ARHGAP6: variants seen among roughly 807,000 people sequenced by gnomAD.
ARHGAP6 encodes the protein Rho GTPase activating protein 6.
ARHGAP6 carries 16 observed loss-of-function variants against 55.7 expected under a neutral mutation model. The ratio of observed to expected loss-of-function variants is 0.29; its 90% CI spans 0.19 to 0.44. The LOEUF is 0.44. Among genes scored for constraint, ARHGAP6 ranks in the 20% least tolerant of loss-of-function variants. The probability of loss-of-function intolerance (pLI) is 1.00; values close to 1 mark genes in which losing one functional copy is unlikely to be tolerated. For synonymous variants in ARHGAP6, 382 were observed against 360.9 expected, an observed-to-expected ratio of 1.06 and a Z score of -0.66; for missense variants, 698 against 808.9, an observed-to-expected ratio of 0.86 and a Z score of 1.66.
At chrX:11,371,694 G>A (rs974475538) in intron 1 of ARHGAP6, among the ~76,000 whole-genome samples, 1 of 112,139 alleles carries the variant, frequency 8.9e-6, no homozygotes, top group Non-Finnish European at 1.9e-5. Flanking sequence ...ATAATGCCTA[G>A]TTTTATATAT....
chrX:11,515,909 C>A (rs747493558), intron 1 of ARHGAP6, among the ~76,000 whole-genome samples: 4 of 112,726 alleles, frequency 3.5e-5, no homozygotes, highest in African/African-American at 1.3e-4. Flanking sequence ...CCCCCATGAA[C>A]CTCTGCATTG....
At chrX:11,330,011 C>T (rs759467366) in intron 1 of ARHGAP6, among the ~76,000 whole-genome samples, 11 of 113,013 alleles carry the variant, frequency 9.7e-5, no homozygotes, top group African/African-American at 3.2e-4. Context: ...ACTGCATATT[C>T]GCAAGTGGAT....
rs759510185 is a variant in ARHGAP6, at chrX:11,350,650, A to G, written c.589-95943T>C. On this transcript the variant is annotated intron_variant, in intron 1 of 12. Transcript: ENST00000337414. The stretch of plus-strand genomic sequence containing the variant: ...CATGTTTCCACATTTCTACTGTCCC[A>G]AACAGAATGAATTTGACAATTTGTG... Among the ~76,000 whole-genome samples, 80 of 112,326 alleles carry G rather than the reference A, an allele frequency of 7.1e-4. 1 individual carries two copies. The highest frequency in any genetic ancestry group is 3.2e-4 in the Non-Finnish European group (17 of 53,283).
intron 1 of ARHGAP6, among the ~76,000 whole-genome samples, chrX:11,406,320 G>T (rs967753311): frequency 1.7e-4 from 19 of 111,562 alleles, no homozygotes; most frequent in African/African-American, 5.5e-4. Flanking sequence ...ACAGACTAAA[G>T]AAGACTATAC....
chrX:11,228,310 A>G (rs187628116), intron 2 of ARHGAP6, among the ~76,000 whole-genome samples: 102 of 112,283 alleles, frequency 9.1e-4, no homozygotes, highest in African/African-American at 3.1e-3. Flanking sequence ...CTATAATAAT[A>G]TTTCACTGAA....
chrX:11,321,919 C>G (rs769576572), intron 1 of ARHGAP6, among the ~76,000 whole-genome samples: 1 of 111,936 alleles, frequency 8.9e-6, no homozygotes, highest in South Asian at 3.7e-4. Context: ...GGTGAGAAAT[C>G]TTTGTGAAGA....
intron 1 of ARHGAP6, among the ~76,000 whole-genome samples, chrX:11,389,164 A>G (rs2049371137): frequency 9.0e-6 from 1 of 111,712 alleles, no homozygotes; most frequent in Middle Eastern, 4.2e-3. Context: ...CGCATGACAA[A>G]TCCCTTAAAG....
chrX:11,277,712 A>ATTTTT (rs769042624), intron 1 of ARHGAP6, among the ~76,000 whole-genome samples: 1 of 93,819 alleles, frequency 1.1e-5, no homozygotes, highest in Non-Finnish European at 2.2e-5. Context: ...TTTTTTTTTA[A>ATTTTT]AAAAAAATTA....
intron 1 of ARHGAP6, among the ~76,000 whole-genome samples, chrX:11,484,019 G>C (rs779008102): frequency 8.9e-6 from 1 of 111,879 alleles, no homozygotes; most frequent in East Asian, 2.8e-4. Flanking sequence ...GCTGCTATGA[G>C]AATAATTTGA....
At chrX:11,259,426 G>A (rs1319890971) in intron 1 of ARHGAP6, among the ~76,000 whole-genome samples, 1 of 111,730 alleles carries the variant, frequency 9.0e-6, no homozygotes, top group Non-Finnish European at 1.9e-5. Flanking sequence ...TGCAGCCAGG[G>A]TTGAGAACCA....
At chrX:11,468,023 T>G (rs1944725795) in intron 1 of ARHGAP6, among the ~76,000 whole-genome samples, 1 of 108,111 alleles carries the variant, frequency 9.2e-6, no homozygotes, top group African/African-American at 3.4e-5. Context: ...AATAAATAAA[T>G]AAATAAATAA....
intron 9 of ARHGAP6, among the ~76,000 whole-genome samples, chrX:11,164,652 C>G (rs1480285824): frequency 8.9e-6 from 1 of 112,156 alleles, no homozygotes. Context: ...GTCCCCAGTT[C>G]AGGCTGACAA....
intron 1 of ARHGAP6, among the ~76,000 whole-genome samples, chrX:11,633,308 C>T (rs2052380602): frequency 8.9e-6 from 1 of 112,444 alleles, no homozygotes; most frequent in African/African-American, 3.2e-5. Flanking sequence ...TGTGTCAATA[C>T]ACCCTCCCTG....
chrX:11,582,654 C>T (rs1355348510), intron 1 of ARHGAP6, among the ~76,000 whole-genome samples: 2 of 111,675 alleles, frequency 1.8e-5, no homozygotes, highest in African/African-American at 6.5e-5. Flanking sequence ...ACATCTGTAA[C>T]AAAAACTCCT....
chrX:11,420,868 C>T (rs1369916263), intron 1 of ARHGAP6, among the ~76,000 whole-genome samples: 1 of 112,183 alleles, frequency 8.9e-6, no homozygotes, highest in African/African-American at 3.2e-5. Flanking sequence ...CCACGATTAA[C>T]ACATTTGTTA....
intron 3 of ARHGAP6, among the ~76,000 whole-genome samples, chrX:11,190,482 C>CACACACATATATATGTATATATAT (rs1569248649): frequency 1.9e-5 from 1 of 53,633 alleles, no homozygotes; most frequent in African/African-American, 6.9e-5. Context: ...TATATATATA[C>CACACACATATATATGTATATATAT]ATATATCTAT....
At chrX:11,449,703 G>A (rs1300166764) in intron 1 of ARHGAP6, among the ~76,000 whole-genome samples, 1 of 112,362 alleles carries the variant, frequency 8.9e-6, no homozygotes, top group African/African-American at 3.2e-5. Flanking sequence ...TTCAGCACAG[G>A]GGCTGGCACA....
chrX:11,648,690 A>G (rs2052554626), intron 1 of ARHGAP6, among the ~76,000 whole-genome samples: 1 of 112,191 alleles, frequency 8.9e-6, no homozygotes, highest in African/African-American at 3.2e-5. Flanking sequence ...AACAACTGAG[A>G]AAACTGAAAT....
chrX:11,433,743 G>T (rs948310108), intron 1 of ARHGAP6, among the ~76,000 whole-genome samples: 1 of 112,350 alleles, frequency 8.9e-6, no homozygotes, highest in African/African-American at 3.2e-5. Context: ...TATTCATTAA[G>T]CACCTACATC....
Sources: allele counts gnomAD v4.1 joint callset (sites outside exome capture counted in the v4.1 genomes callset), GRCh38; gene constraint gnomAD v4.1.1; transcripts MANE v1.5; gene names NCBI Gene and HGNC (gene_info 2026-07-23, HGNC 2026-07-21).